ADCY2: variants seen among roughly 807,000 people sequenced by gnomAD.
ADCY2 encodes the protein adenylate cyclase 2.
In ADCY2, 31 loss-of-function variants were observed where a neutral mutation model predicts 125.2. The ratio of observed to expected loss-of-function variants is 0.25; its 90% CI spans 0.19 to 0.33. The LOEUF (loss-of-function observed/expected upper bound fraction) is 0.33. ADCY2 is among the 10% of genes least tolerant of loss of function. The pLI is 1.00. For synonymous variants in ADCY2, 512 were observed against 548.4 expected, an observed-to-expected ratio of 0.93 and a Z score of 0.93; for missense variants, 904 against 1,418.2, an observed-to-expected ratio of 0.64 and a Z score of 5.82.
chr5:7,475,126 C>T (rs549133560), intron 2 of ADCY2, among the ~76,000 whole-genome samples: 45 of 152,320 alleles, frequency 3.0e-4, no homozygotes, highest in Non-Finnish European at 6.0e-4. Flanking sequence ...AACCCATTGG[C>T]CAGTTCTGAC....
intron 3 of ADCY2, among the ~76,000 whole-genome samples, chr5:7,529,585 C>A (rs1318977726): frequency 6.6e-6 from 1 of 152,206 alleles, no homozygotes; most frequent in Non-Finnish European, 1.5e-5. Context: ...GAAGAGCAAG[C>A]ATTTTGGCCT....
chr5:7,666,643 TATA>T (rs1284262444), intron 4 of ADCY2, among the ~76,000 whole-genome samples: 1 of 152,202 alleles, frequency 6.6e-6, no homozygotes, highest in African/African-American at 2.4e-5. Context: ...CACAGCTGTG[TATA>T]ATGTCTGCAT....
intron 7 of ADCY2, among the ~76,000 whole-genome samples, chr5:7,700,719 CCACACACACACACA>C (rs56197160): frequency 1.1e-4 from 11 of 98,332 alleles, no homozygotes; most frequent in South Asian, 4.2e-4. Context: ...CTCGCACCCA[CCACACACACACACA>C]CACACACACA....
chr5:7,528,393 A>C (rs546879801), intron 3 of ADCY2, among the ~76,000 whole-genome samples: 1 of 147,196 alleles, frequency 6.8e-6, no homozygotes, highest in East Asian at 2.0e-4. Flanking sequence ...TGGAACTTTC[A>C]TGTTGGTAAC....
At chr5:7,757,367 T>C in intron 15 of ADCY2, 82 bp from the exon 16 acceptor site, 1 of 1,520,606 alleles carries the variant, frequency 6.6e-7, no homozygotes. Context: ...GTGCTTCTTG[T>C]GGTTGTAAAC....
intron 4 of ADCY2, among the ~76,000 whole-genome samples, chr5:7,640,613 G>C (rs1304796095): frequency 6.6e-6 from 1 of 151,944 alleles, no homozygotes; most frequent in African/African-American, 2.4e-5. Flanking sequence ...AATGGTAACT[G>C]TTTCTCATGT....
rs34203783 is a variant in ADCY2, at chr5:7,808,725, T to C, written c.2883+4033T>C. ...TGCCCCTCCACCAGCCCCCACCCTT[T>C]CCTGAGCATCCCTGCACCCCTACAT... On this transcript the variant is annotated intron_variant, in intron 22 of 24. Transcript: ENST00000338316. 6.6e-3 allele frequency among the ~76,000 whole-genome samples: 998 copies of C among 152,248 alleles called. 5 individuals are homozygous for C. Among genetic ancestry groups the C allele is most frequent in the Non-Finnish European group, 0.011 (748 of 68,012 alleles).
At chr5:7,521,992 T>A (rs1353995647) in intron 3 of ADCY2, among the ~76,000 whole-genome samples, 2 of 152,090 alleles carry the variant, frequency 1.3e-5, no homozygotes, top group Admixed American at 1.3e-4. Flanking sequence ...CTAAGAAGCA[T>A]CCACTCCCAG....
At chr5:7,613,493 G>A (rs1737644379) in intron 3 of ADCY2, among the ~76,000 whole-genome samples, 1 of 152,154 alleles carries the variant, frequency 6.6e-6, no homozygotes, top group Non-Finnish European at 1.5e-5. Context: ...GGCGGTGGGG[G>A]GTGGGGTCCC....
chr5:7,433,964 A>G (rs1282854822), intron 2 of ADCY2, among the ~76,000 whole-genome samples: 2 of 152,234 alleles, frequency 1.3e-5, no homozygotes, highest in Non-Finnish European at 2.9e-5. Flanking sequence ...AAATTAGTTA[A>G]TAATACAAAT....
intron 22 of ADCY2, among the ~76,000 whole-genome samples, chr5:7,813,072 A>G (rs1048193146): frequency 6.6e-6 from 1 of 152,234 alleles, no homozygotes; most frequent in Non-Finnish European, 1.5e-5. Flanking sequence ...TTCCATTGGC[A>G]ACCCTCTCCC....
chr5:7,460,465 T>A (rs1402429929), intron 2 of ADCY2, among the ~76,000 whole-genome samples: 2 of 152,136 alleles, frequency 1.3e-5, no homozygotes, highest in African/African-American at 2.4e-5. Flanking sequence ...GTTTTTAAAA[T>A]TTTTTTCACC....
chr5:7,728,844 G>A lies in ADCY2; in HGVS notation c.1871+1583G>A, dbSNP rs570236003. 5.3e-5 allele frequency among the ~76,000 whole-genome samples: 8 copies of A among 152,182 alleles called. No individual in the cohort carries two copies. In the South Asian group the frequency reaches 1.7e-3, roughly 32 times the overall value. Reference sequence around the variant, plus strand: ...TGCTGGGGATGGGGAGAGTGACTGGGGGCATTTTAAAAGATGCCTCCAAAG... The same window carrying A: ...TGCTGGGGATGGGGAGAGTGACTGGAGGCATTTTAAAAGATGCCTCCAAAG... On this transcript the variant is annotated intron_variant, in intron 14 of 24. Coordinates refer to ENST00000338316, the MANE Select transcript of ADCY2 (RefSeq NM_020546.3).
intron 2 of ADCY2, among the ~76,000 whole-genome samples, chr5:7,445,970 T>C (rs1180197262): frequency 6.6e-6 from 1 of 152,206 alleles, no homozygotes; most frequent in African/African-American, 2.4e-5. Context: ...TTCTAATTGC[T>C]TTCTCTTGTC....
chr5:7,648,641 A>T (rs1411579134), intron 4 of ADCY2, among the ~76,000 whole-genome samples: 1 of 152,226 alleles, frequency 6.6e-6, no homozygotes, highest in Non-Finnish European at 1.5e-5. Context: ...GTGAGAATTG[A>T]AATATATAAA....
intron 3 of ADCY2, among the ~76,000 whole-genome samples, chr5:7,595,791 C>T (rs1201732060): frequency 6.6e-6 from 1 of 152,124 alleles, no homozygotes; most frequent in African/African-American, 2.4e-5. Flanking sequence ...CTCTAGGCTG[C>T]TTATAATATC....
chr5:7,738,440 C>T (rs1742310454), intron 14 of ADCY2, among the ~76,000 whole-genome samples: 1 of 151,664 alleles, frequency 6.6e-6, no homozygotes, highest in African/African-American at 2.4e-5. Context: ...ATAAATGAGA[C>T]AAATATAAAA....
chr5:7,407,835 A>G (rs928641024), intron 1 of ADCY2, among the ~76,000 whole-genome samples: 13 of 150,622 alleles, frequency 8.6e-5, no homozygotes, highest in African/African-American at 3.2e-4. Flanking sequence ...ATTCTGGCAC[A>G]GATTCTGGCA....
At chr5:7,774,855 A>T (rs1334854051) in intron 18 of ADCY2, among the ~76,000 whole-genome samples, 1 of 152,130 alleles carries the variant, frequency 6.6e-6, no homozygotes, top group Non-Finnish European at 1.5e-5. Context: ...TTTTAAAAAA[A>T]TTTTGTGGAT....
Sources: allele counts gnomAD v4.1 joint callset (sites outside exome capture counted in the v4.1 genomes callset), GRCh38; gene constraint gnomAD v4.1.1; transcripts MANE v1.5; gene names NCBI Gene and HGNC (gene_info 2026-07-23, HGNC 2026-07-21).